The following PRKCH variants were observed in gnomAD, a reference collection of about 807,000 sequenced individuals.
PRKCH encodes the protein protein kinase C eta.
A neutral mutation model predicts 82.5 loss-of-function variants in PRKCH; 28 were observed. That is an observed-to-expected ratio of 0.34 (90% CI 0.25 to 0.47). PRKCH has a LOEUF of 0.47. Ranked by LOEUF, PRKCH falls within the 20% of genes least tolerant of loss-of-function variation. The pLI, the probability that PRKCH is intolerant of heterozygous loss-of-function variation, is 1.00. For missense variants in PRKCH, 705 were observed against 881.8 expected (o/e 0.80, Z 2.54); for synonymous variants, 322 against 327.4 (o/e 0.98, Z 0.18).
intron 1 of PRKCH, among the ~76,000 whole-genome samples, chr14:61,226,234 A>G (rs2044695445): frequency 6.6e-6 from 1 of 152,192 alleles, no homozygotes; most frequent in African/African-American, 2.4e-5. Flanking sequence ...TTAGTTATTC[A>G]TCTTAAAGAG....
intron 1 of PRKCH, among the ~76,000 whole-genome samples, chr14:61,206,442 T>C (rs2044524837): frequency 6.6e-6 from 1 of 152,238 alleles, no homozygotes; most frequent in Non-Finnish European, 1.5e-5. Context: ...ATTTGGGGCC[T>C]GCCCAAATTC....
intron 1 of PRKCH, among the ~76,000 whole-genome samples, chr14:61,267,965 T>C (rs544538291): frequency 1.3e-5 from 2 of 152,366 alleles, no homozygotes; most frequent in South Asian, 4.1e-4. Flanking sequence ...ATCATGCTTC[T>C]GCTGATATGA....
chr14:61,468,265 C>G (rs553836364), intron 9 of PRKCH, among the ~76,000 whole-genome samples: 2 of 152,270 alleles, frequency 1.3e-5, no homozygotes, highest in African/African-American at 2.4e-5. Flanking sequence ...TGGCTCAGAT[C>G]AAAATAGAAA....
chr14:61,398,972 G>A (rs1480777758), intron 2 of PRKCH, among the ~76,000 whole-genome samples: 1 of 152,232 alleles, frequency 6.6e-6, no homozygotes, highest in Non-Finnish European at 1.5e-5. Flanking sequence ...CTGGATCTGT[G>A]AGGATATTAC....
chr14:61,537,849 T>C (rs1036523572), intron 12 of PRKCH: 3 of 152,278 alleles, frequency 2.0e-5, no homozygotes, highest in Admixed American at 2.0e-4. Flanking sequence ...TGGGTTTCTC[T>C]GTCATCCAGC....
intron 2 of PRKCH, among the ~76,000 whole-genome samples, chr14:61,404,374 G>T (rs551119750): frequency 1.3e-5 from 2 of 152,218 alleles, no homozygotes; most frequent in East Asian, 3.9e-4. Context: ...GCCTCCTCTA[G>T]GAATTTTCAT....
intron 10 of PRKCH, chr14:61,528,044 A>G (rs898462178): frequency 6.6e-6 from 1 of 152,186 alleles, no homozygotes; most frequent in Non-Finnish European, 1.5e-5. Flanking sequence ...TCGTGCCACT[A>G]GGATGATACA....
chr14:61,486,954 A>G (rs887936649), intron 10 of PRKCH, among the ~76,000 whole-genome samples: 6 of 152,220 alleles, frequency 3.9e-5, no homozygotes, highest in Non-Finnish European at 5.9e-5. Context: ...TGCAGTTCCT[A>G]TCATAAACTC....
upstream of PRKCH, among the ~76,000 whole-genome samples, chr14:61,318,409 C>T (rs188149736): frequency 5.2e-5 from 7 of 134,126 alleles, no homozygotes; most frequent in African/African-American, 1.7e-4. Flanking sequence ...CTCCCTATGT[C>T]GCGCAGGGTG....
chr14:61,365,701 C>T (rs1478043634), intron 1 of PRKCH, among the ~76,000 whole-genome samples: 1 of 151,920 alleles, frequency 6.6e-6, no homozygotes, highest in African/African-American at 2.4e-5. Context: ...TATTTTCTGG[C>T]CTCCTACTAT....
At chr14:61,265,197 C>A (rs1426676103) in intron 1 of PRKCH, among the ~76,000 whole-genome samples, 1 of 152,098 alleles carries the variant, frequency 6.6e-6, no homozygotes, top group Non-Finnish European at 1.5e-5. Context: ...AGAAACCATC[C>A]CAGGCGGGTG....
intron 2 of PRKCH, among the ~76,000 whole-genome samples, chr14:61,433,100 T>G (rs1194573019): frequency 6.7e-6 from 1 of 149,632 alleles, no homozygotes; most frequent in Non-Finnish European, 1.5e-5. Flanking sequence ...AGCTCTCACC[T>G]TGGTTTTGTG....
At chr14:61,367,259 CT>C (rs1262966321) in intron 1 of PRKCH, among the ~76,000 whole-genome samples, 2 of 151,984 alleles carry the variant, frequency 1.3e-5, no homozygotes, top group Non-Finnish European at 2.9e-5. Flanking sequence ...GCATCTGCCC[CT>C]AACCCAATCT....
chr14:61,249,644 CAG>C (rs1181605911), intron 1 of PRKCH, among the ~76,000 whole-genome samples: 6 of 151,260 alleles, frequency 4.0e-5, no homozygotes, highest in Admixed American at 4.0e-4. Context: ...TGTTTTGAGA[CAG>C]AGTCTCGCTC....
chr14:61,279,821 TGAA>T, intron 1 of PRKCH: 2 of 457,728 alleles, frequency 4.4e-6, no homozygotes. Context: ...CTCTCAGACT[TGAA>T]GAACCTCACA....
intron 2 of PRKCH, among the ~76,000 whole-genome samples, chr14:61,439,125 A>G (rs1158571531): frequency 2.6e-5 from 4 of 152,176 alleles, no homozygotes; most frequent in Non-Finnish European, 5.9e-5. Context: ...CTAAAACATG[A>G]TCTGAGAGAT....
At chr14:61,421,277 A>G (rs1325861099) in intron 2 of PRKCH, among the ~76,000 whole-genome samples, 2 of 151,970 alleles carry the variant, frequency 1.3e-5, no homozygotes, top group Non-Finnish European at 2.9e-5. Flanking sequence ...GGCAATATTG[A>G]TAGGGATGTG....
intron 1 of PRKCH, among the ~76,000 whole-genome samples, chr14:61,357,644 C>T (rs763258913): frequency 6.6e-6 from 1 of 152,192 alleles, no homozygotes; most frequent in Non-Finnish European, 1.5e-5. Context: ...CCAGTGGACA[C>T]GCTATAGTCC....
intron 10 of PRKCH, among the ~76,000 whole-genome samples, chr14:61,487,750 C>T (rs527835257): frequency 1.3e-5 from 2 of 150,890 alleles, no homozygotes; most frequent in African/African-American, 4.9e-5. Context: ...CCCAGCACCT[C>T]GGAAGGCTGA....
Sources: gnomAD v4.1 joint callset for allele counts (sites outside exome capture counted in the v4.1 genomes callset) on GRCh38, gnomAD v4.1.1 for gene constraint, MANE v1.5 for transcripts, NCBI Gene and HGNC (gene_info 2026-07-23, HGNC 2026-07-21) for gene names.